SETBP1: variants seen among roughly 807,000 people sequenced by gnomAD.
SETBP1 encodes the protein SET binding protein 1, also known as SET-binding protein.
A neutral mutation model predicts 101.0 loss-of-function variants in SETBP1; 9 were observed. The ratio of observed to expected loss-of-function variants is 0.09; its 90% CI spans 0.05 to 0.16. The LOEUF is 0.16. SETBP1 is among the 10% of genes least tolerant of loss of function. SETBP1 has a pLI of 1.00. For synonymous variants in SETBP1, 818 were observed against 788.5 expected (o/e 1.04, Z -0.63); for missense variants, 1,858 against 2,033.8 (o/e 0.91, Z 1.66).
chr18:44,998,566 TC>T (rs1455277546), intron 4 of SETBP1, among the ~76,000 whole-genome samples: 4 of 152,246 alleles, frequency 2.6e-5, no homozygotes, highest in Non-Finnish European at 5.9e-5. Context: ...CGACTGCCGT[TC>T]CTTTTTCATA....
At chr18:44,960,242 TG>T (rs1286720734) in intron 4 of SETBP1, among the ~76,000 whole-genome samples, 7 of 152,074 alleles carry the variant, frequency 4.6e-5, no homozygotes, top group Non-Finnish European at 1.0e-4. Flanking sequence ...TGGGGAACAT[TG>T]GCAGATAAAG....
In SETBP1 at chr18:45,022,609, C is replaced by T. The variant is rs184118045; in HGVS notation, c.4001-15876C>T. On this transcript the variant is annotated intron_variant, in intron 4 of 5. Coordinates refer to ENST00000649279, the MANE Select transcript of SETBP1 (RefSeq NM_015559.3). ...CGTTGGGAGGCCAAGGTGGGCAGATCACGTGAGGTCAGGGGTTCGAGACCA... is the reference window on the plus strand; with the variant it reads ...CGTTGGGAGGCCAAGGTGGGCAGATTACGTGAGGTCAGGGGTTCGAGACCA... Among the ~76,000 whole-genome samples, 679 of 152,288 alleles carry T rather than the reference C, an allele frequency of 4.5e-3. 2 individuals carry two copies. Among genetic ancestry groups the T allele is most frequent in the African/African-American group, 0.016 (648 of 41,558 alleles).
At chr18:44,822,249 T>C (rs987925612) in intron 2 of SETBP1, among the ~76,000 whole-genome samples, 2 of 152,226 alleles carry the variant, frequency 1.3e-5, no homozygotes, top group Non-Finnish European at 2.9e-5. Flanking sequence ...AAGAAAGTTA[T>C]TGAAGGTCAG....
intron 3 of SETBP1, among the ~76,000 whole-genome samples, chr18:44,947,656 A>G (rs545871153): frequency 6.6e-6 from 1 of 152,056 alleles, no homozygotes; most frequent in East Asian, 1.9e-4. Context: ...ACAGGCATGC[A>G]CCACCAAGCC....
intron 4 of SETBP1, among the ~76,000 whole-genome samples, chr18:44,990,047 C>G (rs544146329): frequency 4.6e-4 from 70 of 151,824 alleles, no homozygotes; most frequent in African/African-American, 1.6e-3. Flanking sequence ...AAACTATCTT[C>G]AAAGTATATA....
intron 2 of SETBP1, among the ~76,000 whole-genome samples, chr18:44,816,038 T>C (rs2071967774): frequency 6.6e-6 from 1 of 152,002 alleles, no homozygotes; most frequent in African/African-American, 2.4e-5. Flanking sequence ...AATAAACAAA[T>C]TAGAGAAACA....
At chr18:44,744,974 C>T (rs1053458996) in intron 2 of SETBP1, among the ~76,000 whole-genome samples, 14 of 151,992 alleles carry the variant, frequency 9.2e-5, no homozygotes, top group Non-Finnish European at 2.1e-4. Context: ...CTGTTATGCG[C>T]GTCTGGGGCT....
At chr18:44,911,866 G>A (rs183606744) in intron 3 of SETBP1, among the ~76,000 whole-genome samples, 97 of 152,234 alleles carry the variant, frequency 6.4e-4, no homozygotes, top group African/African-American at 2.0e-3. Context: ...GTAAGCCTTC[G>A]TATTTACCAT....
chr18:44,700,515 G>T (rs180725775), intron 1 of SETBP1, among the ~76,000 whole-genome samples: 1 of 152,288 alleles, frequency 6.6e-6, no homozygotes, highest in Non-Finnish European at 1.5e-5. Context: ...ATTAATCACA[G>T]TGTTATAAGT....
chr18:44,876,759 C>T, intron 3 of SETBP1: 1 of 1,512,694 alleles, frequency 6.6e-7, no homozygotes, highest in South Asian at 1.3e-5. Context: ...TATAACTTCG[C>T]ATGGATTCTG....
chr18:45,055,892 A>C (rs931042472), intron 5 of SETBP1, among the ~76,000 whole-genome samples: 2 of 152,250 alleles, frequency 1.3e-5, no homozygotes, highest in Non-Finnish European at 2.9e-5. Flanking sequence ...TATTTTCAGC[A>C]ACAAAATTGC....
intron 4 of SETBP1, among the ~76,000 whole-genome samples, chr18:45,019,888 T>C (rs1200389033): frequency 2.6e-5 from 4 of 152,124 alleles, no homozygotes; most frequent in Non-Finnish European, 4.4e-5. Flanking sequence ...GTCAATTGTA[T>C]TTCCAGTGGC....
chr18:44,961,898 A>G (rs1165312607), intron 4 of SETBP1, among the ~76,000 whole-genome samples: 1 of 152,224 alleles, frequency 6.6e-6, no homozygotes, highest in East Asian at 1.9e-4. Flanking sequence ...TCTGTTACTG[A>G]GCCATGTACA....
intron 4 of SETBP1, among the ~76,000 whole-genome samples, chr18:44,985,048 G>A (rs1459054405): frequency 1.3e-5 from 2 of 152,118 alleles, no homozygotes; most frequent in African/African-American, 2.4e-5. Context: ...GGCTGAAGCA[G>A]GAGAATCACT....
intron 2 of SETBP1, among the ~76,000 whole-genome samples, chr18:44,854,263 A>G (rs993357385): frequency 6.6e-6 from 1 of 152,138 alleles, no homozygotes; most frequent in Non-Finnish European, 1.5e-5. Flanking sequence ...TTCAGTTCCA[A>G]AGAAACTCGC....
intron 2 of SETBP1, among the ~76,000 whole-genome samples, chr18:44,834,339 C>T (rs946242169): frequency 2.6e-5 from 4 of 152,106 alleles, no homozygotes; most frequent in Admixed American, 6.5e-5. Context: ...AATGACAATA[C>T]AGTGAATAAG....
chr18:45,041,973 T>A (rs1005506354), intron 5 of SETBP1, among the ~76,000 whole-genome samples: 14 of 151,388 alleles, frequency 9.2e-5, no homozygotes, highest in East Asian at 1.9e-4. Flanking sequence ...AAATAAAAAA[T>A]TTTAAAAAAA....
Position 44,786,620 on chromosome 18 carries a change from G to A in SETBP1, c.487-82610G>A, listed in dbSNP as rs1006267773. ...ATTCCATGTAGGACTATGGGGAGGG[G>A]AGAATGCATTTGAAGCTCTCTCTAA... On this transcript the variant is annotated intron_variant, in intron 2 of 5. Coordinates refer to ENST00000649279, the MANE Select transcript of SETBP1 (RefSeq NM_015559.3). Among the ~76,000 whole-genome samples, 5 of 152,308 alleles carry A rather than the reference G, an allele frequency of 3.3e-5. No individual in the cohort carries two copies. In the East Asian group the frequency reaches 7.7e-4, roughly 24 times the overall value.
intron 4 of SETBP1, among the ~76,000 whole-genome samples, chr18:44,985,425 C>G (rs1326616859): frequency 6.6e-6 from 1 of 152,082 alleles, no homozygotes; most frequent in Non-Finnish European, 1.5e-5. Context: ...TTAAGTGGCC[C>G]AGACAACTGT....
Sources: allele counts gnomAD v4.1 joint callset (sites outside exome capture counted in the v4.1 genomes callset), GRCh38; gene constraint gnomAD v4.1.1; transcripts MANE v1.5; gene names NCBI Gene and HGNC (gene_info 2026-07-23, HGNC 2026-07-21).